STYK1: variants seen among roughly 807,000 people sequenced by gnomAD.
STYK1 encodes STY kinase 1, also known as tyrosine-protein kinase STYK1.
Under a neutral mutation model 48.1 loss-of-function variants are expected in STYK1, and 46 were observed. The observed-to-expected ratio is 0.96, with a 90% CI of 0.75 to 1.22. STYK1 has a LOEUF of 1.22. Ranked by LOEUF, STYK1 falls within the 50% of genes most tolerant of loss-of-function variation. The probability of loss-of-function intolerance (pLI) is 0.00; values close to 1 mark genes in which losing one functional copy is unlikely to be tolerated. For synonymous variants in STYK1, 188 were observed against 189.0 expected (o/e 0.99, Z 0.04); for missense variants, 527 against 521.1 (o/e 1.01, Z -0.11).
intron 1 of STYK1, among the ~76,000 whole-genome samples, chr12:10,638,553 A>G (rs1183051133): frequency 6.6e-6 from 1 of 152,242 alleles, no homozygotes; most frequent in Non-Finnish European, 1.5e-5. Flanking sequence ...TTTTACACAT[A>G]CAATACAAGC....
intron 1 of STYK1, among the ~76,000 whole-genome samples, chr12:10,669,222 G>T (rs577770970): frequency 6.6e-6 from 1 of 152,226 alleles, no homozygotes; most frequent in African/African-American, 2.4e-5. Flanking sequence ...AACTAATGGG[G>T]CATAAAGGAT....
chr12:10,641,025 C>T (rs1277894988), intron 1 of STYK1, among the ~76,000 whole-genome samples: 1 of 152,142 alleles, frequency 6.6e-6, no homozygotes, highest in Non-Finnish European at 1.5e-5. Flanking sequence ...CCTTCATCTA[C>T]CAGTTTCAAA....
intron 4 of STYK1, among the ~76,000 whole-genome samples, chr12:10,633,614 T>C (rs975131999): frequency 6.6e-6 from 1 of 152,160 alleles, no homozygotes; most frequent in Non-Finnish European, 1.5e-5. Flanking sequence ...AGATTAGGAA[T>C]GGAACGTATC....
rs975736816 is a variant in STYK1 at position 10,637,216 on chromosome 12, G to A, written c.-194-20C>T. 4 of 152,138 alleles carry A rather than the reference G, an allele frequency of 2.6e-5. No individual in the cohort carries two copies. Among genetic ancestry groups the A allele is most frequent in the Admixed American group, 2.6e-4 (4 of 15,280 alleles). 9.4% of individuals were successfully genotyped at this position (152,138 alleles called of 1,614,324 possible). On this transcript the variant is annotated intron_variant, in intron 1 of 10. Coordinates refer to ENST00000075503, the MANE Select transcript of STYK1 (RefSeq NM_018423.3). The stretch of plus-strand genomic sequence containing the variant: ...TGGATGCTAGAGCAAGGAGATAAAT[G>A]TATAGAATGATGAGGTCCACCCAAT...
At chr12:10,665,688 C>G (rs1565575620) in intron 1 of STYK1, among the ~76,000 whole-genome samples, 1 of 152,236 alleles carries the variant, frequency 6.6e-6, no homozygotes, top group Non-Finnish European at 1.5e-5. Flanking sequence ...CTGCCAATCT[C>G]TACCAGATAC....
At chr12:10,636,782 C>G (rs1364998009) in intron 2 of STYK1, among the ~76,000 whole-genome samples, 1 of 152,092 alleles carries the variant, frequency 6.6e-6, no homozygotes, top group East Asian at 1.9e-4. Context: ...GGAGGAGGTT[C>G]TCAGCACACT....
In STYK1 at chr12:10,624,684, A is replaced by T. The variant is rs543218286; in HGVS notation, c.893T>A (p.Leu298His). Residue 298 changes from leucine (L) to histidine (H), a missense_variant, in exon 8 of 11, where the codon CTT becomes CAT. Physicochemically the swap from Leu to His is moderately conservative, Grantham distance 99. Coordinates refer to ENST00000075503, the MANE Select transcript of STYK1 (RefSeq NM_018423.3). Reference sequence around the variant, plus strand: ...TCTGATGCTAGCAGGTCTCAGGAGAAGCCGTTCTGGGGCAAGCCACTTGAG... The same window carrying T: ...TCTGATGCTAGCAGGTCTCAGGAGATGCCGTTCTGGGGCAAGCCACTTGAG... The part of the protein sequence containing the change: ...IPLKWLAPER[L>H]LLRPASIRAD... 6.2e-7 allele frequency: 1 copy of T among 1,614,158 alleles called. No individual in the cohort carries two copies. The highest frequency in any genetic ancestry group is 2.2e-5 in the East Asian group (1 of 44,864).
At chr12:10,656,894 A>T (rs1947725172) in intron 1 of STYK1, among the ~76,000 whole-genome samples, 1 of 152,198 alleles carries the variant, frequency 6.6e-6, no homozygotes, top group African/African-American at 2.4e-5. Context: ...GTGTTATCTG[A>T]CAGTTTTGAC....
chr12:10,664,298 T>C (rs1471887125), intron 1 of STYK1, among the ~76,000 whole-genome samples: 1 of 152,152 alleles, frequency 6.6e-6, no homozygotes, highest in East Asian at 1.9e-4. Context: ...GTCCAAAGAA[T>C]TCACATCCCT....
chr12:10,635,414 C>A (rs1468890789), intron 2 of STYK1, among the ~76,000 whole-genome samples: 1 of 152,200 alleles, frequency 6.6e-6, no homozygotes, highest in Non-Finnish European at 1.5e-5. Flanking sequence ...CCCTCACAAG[C>A]AGTGAACAGA....
intron 5 of STYK1, among the ~76,000 whole-genome samples, chr12:10,630,033 GA>G (rs1947405891): frequency 0.02 from 1 of 50 alleles, no homozygotes; most frequent in Admixed American, 0.17. Context: ...TCATGAAGAG[GA>G]GAGAGAGAGA....
chr12:10,664,270 G>A (rs534079318), intron 1 of STYK1, among the ~76,000 whole-genome samples: 2 of 152,260 alleles, frequency 1.3e-5, no homozygotes, highest in East Asian at 1.9e-4. Context: ...GTCATGAATT[G>A]CAGGGACAAG....
At chr12:10,646,283 G>T (rs1947598322) in intron 1 of STYK1, among the ~76,000 whole-genome samples, 1 of 152,186 alleles carries the variant, frequency 6.6e-6, no homozygotes, top group African/African-American at 2.4e-5. Context: ...GGCCGATAAT[G>T]ATATGAACAA....
intron 1 of STYK1, among the ~76,000 whole-genome samples, chr12:10,670,995 ATTTTTTT>A (rs763044772): frequency 2.9e-4 from 32 of 110,468 alleles, no homozygotes; most frequent in South Asian, 1.5e-3. Flanking sequence ...GAATATATTG[ATTTTTTT>A]TTTTTTTTTT....
intron 1 of STYK1, among the ~76,000 whole-genome samples, chr12:10,664,207 C>G (rs1947810920): frequency 6.6e-6 from 1 of 152,080 alleles, no homozygotes; most frequent in Admixed American, 6.5e-5. Flanking sequence ...GTGTCAGAAC[C>G]CAGCTCATTT....
intron 1 of STYK1, among the ~76,000 whole-genome samples, chr12:10,662,027 C>G (rs1353019058): frequency 6.6e-6 from 1 of 152,174 alleles, no homozygotes; most frequent in East Asian, 1.9e-4. Context: ...ACTCTGCTCC[C>G]TTCCCTAGCC....
At chr12:10,635,212 T>C (rs758102101) in intron 2 of STYK1, among the ~76,000 whole-genome samples, 1 of 152,204 alleles carries the variant, frequency 6.6e-6, no homozygotes, top group Non-Finnish European at 1.5e-5. Context: ...TCTCAAACTC[T>C]TGGGCTCAAT....
intron 1 of STYK1, among the ~76,000 whole-genome samples, chr12:10,653,970 G>C (rs1324385306): frequency 6.6e-6 from 1 of 152,158 alleles, no homozygotes; most frequent in Non-Finnish European, 1.5e-5. Context: ...GTCAACACAA[G>C]ATACAGGTCA....
At chr12:10,662,750 A>T (rs1947791004) in intron 1 of STYK1, among the ~76,000 whole-genome samples, 1 of 152,156 alleles carries the variant, frequency 6.6e-6, no homozygotes, top group South Asian at 2.1e-4. Flanking sequence ...TATATAGTCC[A>T]GAAACTAAAC....
Sources: gnomAD v4.1 joint callset for allele counts (sites outside exome capture counted in the v4.1 genomes callset) on GRCh38, gnomAD v4.1.1 for gene constraint, MANE v1.5 for transcripts, NCBI Gene and HGNC (gene_info 2026-07-23, HGNC 2026-07-21) for gene names.